COX16: variants seen among roughly 807,000 people sequenced by gnomAD.
COX16 encodes the protein cytochrome c oxidase assembly protein COX16 homolog, mitochondrial.
Under a neutral mutation model 15.4 loss-of-function variants are expected in COX16, and 12 were observed. The observed-to-expected ratio is 0.78, with a 90% CI of 0.50 to 1.26. The LOEUF (loss-of-function observed/expected upper bound fraction) is 1.26. COX16 is among the 50% of genes most tolerant of loss of function. The pLI is 0.00. For synonymous variants in COX16, 46 were observed against 41.1 expected (o/e 1.12, Z -0.46); for missense variants, 124 against 127.6 (o/e 0.97, Z 0.14).
At chr14:70,334,544 A>AT (rs1886389194) in intron 2 of COX16, among the ~76,000 whole-genome samples, 1 of 152,184 alleles carries the variant, frequency 6.6e-6, no homozygotes, top group African/African-American at 2.4e-5. Context: ...AACATCAAAA[A>AT]TTCAACATGT....
rs1555345883 is a variant in COX16 at position 70,354,829 on chromosome 14, A to AGTGTGTGTGCGTGT, written c.69+4689_69+4690insACACGCACACACAC. ...GAGTTTTGTGCAGGACTATGCATAG[A>AGTGTGTGTGCGTGT]GTGTGTGTGTGCGTGTGTGTGTGTG... On this transcript the variant is annotated intron_variant, in intron 1 of 3. Transcript: ENST00000389912. 7.6e-3 allele frequency among the ~76,000 whole-genome samples: 656 copies of AGTGTGTGTGCGTGT among 85,758 alleles called. 6 individuals are homozygous for AGTGTGTGTGCGTGT. The highest frequency in any genetic ancestry group is 0.03 in the African/African-American group (589 of 19,720). The allele number at this position is 85,758 out of a possible 152,430, so 56.3% of individuals were successfully genotyped here.
intron 1 of COX16, among the ~76,000 whole-genome samples, chr14:70,349,006 A>G (rs2140737868): frequency 6.6e-6 from 1 of 152,286 alleles, no homozygotes; most frequent in Admixed American, 6.5e-5. Context: ...AGGACTTCTG[A>G]GCCCAAAACC....
chr14:70,359,199 C>T (rs952412348), intron 1 of COX16: 8 of 491,536 alleles, frequency 1.6e-5, no homozygotes, highest in Non-Finnish European at 2.8e-5. Flanking sequence ...ACTGAATTCT[C>T]TGAGCTTCAA....
intron 1 of COX16, among the ~76,000 whole-genome samples, chr14:70,357,976 A>G (rs1237428631): frequency 6.6e-6 from 1 of 152,240 alleles, no homozygotes; most frequent in East Asian, 1.9e-4. Flanking sequence ...ATAATAGTCA[A>G]AAATTGAAAC....
intron 1 of COX16, among the ~76,000 whole-genome samples, chr14:70,354,959 T>G (rs118134570): frequency 2.0e-5 from 3 of 152,264 alleles, no homozygotes; most frequent in Non-Finnish European, 4.4e-5. Flanking sequence ...TCTTATCTAC[T>G]GAAGGACACT....
At chr14:70,326,485 G>C in intron 3 of COX16, 36 bp from the exon 4 acceptor site, 10 of 1,501,060 alleles carry the variant, frequency 6.7e-6, no homozygotes, top group Non-Finnish European at 8.9e-6. Flanking sequence ...ATAAATATTA[G>C]TATAAGAGCC....
chr14:70,343,965 T>C (rs1232456560), intron 1 of COX16, among the ~76,000 whole-genome samples: 2 of 152,100 alleles, frequency 1.3e-5, no homozygotes, highest in Non-Finnish European at 2.9e-5. Context: ...ATTTGGTGGG[T>C]AGGGGCTTGG....
At chr14:70,333,674 AAAT>A (rs1409333379) in intron 2 of COX16, among the ~76,000 whole-genome samples, 4 of 152,270 alleles carry the variant, frequency 2.6e-5, no homozygotes, top group Non-Finnish European at 1.5e-5. Flanking sequence ...TTATTCAAAG[AAAT>A]AATAACAGAA....
At chr14:70,330,355 A>C (rs1481472800) in intron 2 of COX16, among the ~76,000 whole-genome samples, 1 of 152,212 alleles carries the variant, frequency 6.6e-6, no homozygotes, top group Admixed American at 6.5e-5. Flanking sequence ...ATAGTTTTAC[A>C]ATCTATAAAG....
intron 1 of COX16, among the ~76,000 whole-genome samples, chr14:70,349,217 C>T (rs1428686452): frequency 6.6e-6 from 1 of 152,208 alleles, no homozygotes; most frequent in Non-Finnish European, 1.5e-5. Context: ...ATCTGCCACT[C>T]AGTGTCACCC....
At chr14:70,336,188 G>A (rs111771300) in intron 2 of COX16, among the ~76,000 whole-genome samples, 11,117 of 152,184 alleles carry the variant, frequency 0.073, 465 homozygotes, top group Middle Eastern at 0.11. Context: ...CCCAGGAGGC[G>A]GAAGTTGCAG....
At chr14:70,341,644 C>T (rs958146784) in intron 2 of COX16, among the ~76,000 whole-genome samples, 8 of 152,030 alleles carry the variant, frequency 5.3e-5, no homozygotes, top group Admixed American at 1.3e-4. Context: ...AAGTAAAGAC[C>T]CACTATAGTT....
chr14:70,355,632 T>A (rs919105382), intron 1 of COX16, among the ~76,000 whole-genome samples: 2 of 152,198 alleles, frequency 1.3e-5, no homozygotes, highest in African/African-American at 4.8e-5. Context: ...CATGACGACA[T>A]CCTGCTAAAC....
chr14:70,350,307 C>A (rs1381264605), intron 1 of COX16, among the ~76,000 whole-genome samples: 1 of 152,226 alleles, frequency 6.6e-6, no homozygotes, highest in Admixed American at 6.5e-5. Context: ...CAGACTAGGA[C>A]ACTTCCTGTT....
rs1886194380 is a variant in COX16 at position 70,329,155 on chromosome 14, C to T, written c.204+19G>A. 1.3e-6 allele frequency: 2 copies of T among 1,563,854 alleles called. No individual in the cohort carries two copies. Among genetic ancestry groups the T allele is most frequent in the Non-Finnish European group, 1.7e-6 (2 of 1,151,370 alleles). ...GTAACTGATTGTTATAAGACAGAGACTATATTAACATACCGTACCTCATAT... is the reference window on the plus strand; with the variant it reads ...GTAACTGATTGTTATAAGACAGAGATTATATTAACATACCGTACCTCATAT... On this transcript the variant is annotated intron_variant, in intron 3 of 3. Coordinates refer to ENST00000389912, the MANE Select transcript of COX16 (RefSeq NM_016468.7).
At chr14:70,332,859 C>T (rs979181757) in intron 2 of COX16, among the ~76,000 whole-genome samples, 6 of 152,244 alleles carry the variant, frequency 3.9e-5, no homozygotes, top group South Asian at 2.1e-4. Context: ...TTGTCTGGTA[C>T]GCTGAGACAG....
At chr14:70,343,766 T>A (rs1886692238) in intron 1 of COX16, among the ~76,000 whole-genome samples, 1 of 152,220 alleles carries the variant, frequency 6.6e-6, no homozygotes, top group Non-Finnish European at 1.5e-5. Context: ...TTAAACTTCA[T>A]AATAAAGAAT....
intron 2 of COX16, among the ~76,000 whole-genome samples, chr14:70,330,934 G>A (rs1455643424): frequency 1.1e-4 from 16 of 152,090 alleles, no homozygotes; most frequent in Non-Finnish European, 2.4e-4. Flanking sequence ...AATTCACATA[G>A]AAAAATATTT....
chr14:70,353,396 A>T (rs1887024846), intron 1 of COX16, among the ~76,000 whole-genome samples: 1 of 148,736 alleles, frequency 6.7e-6, no homozygotes, highest in Non-Finnish European at 1.5e-5. Context: ...ATATAATTTT[A>T]TATATATATA....
Sources: allele counts gnomAD v4.1 joint callset (sites outside exome capture counted in the v4.1 genomes callset), GRCh38; gene constraint gnomAD v4.1.1; transcripts MANE v1.5; gene names NCBI Gene and HGNC (gene_info 2026-07-23, HGNC 2026-07-21).